FHIP1A: variants seen among roughly 807,000 people sequenced by gnomAD.
FHIP1A encodes the protein FHF complex subunit HOOK interacting protein 1A.
A neutral mutation model predicts 88.6 loss-of-function variants in FHIP1A; 61 were observed. The observed-to-expected ratio is 0.69, with a 90% confidence interval of 0.56 to 0.85. The LOEUF is 0.85. Ranked by LOEUF, FHIP1A falls within the 40% of genes least tolerant of loss-of-function variation. The probability of loss-of-function intolerance (pLI) is 0.00; values close to 1 mark genes in which losing one functional copy is unlikely to be tolerated. For synonymous variants in FHIP1A, 478 were observed against 496.0 expected (o/e 0.96, Z 0.48); for missense variants, 1,154 against 1,273.5 (o/e 0.91, Z 1.43).
At chr4:151,427,881 C>T (rs940798152) in intron 1 of FHIP1A, among the ~76,000 whole-genome samples, 1 of 152,102 alleles carries the variant, frequency 6.6e-6, no homozygotes, top group Non-Finnish European at 1.5e-5. Flanking sequence ...GCCTCTTGGG[C>T]ATTCCAGTTG....
At chr4:151,455,721 A>G (rs1580586811) in intron 2 of FHIP1A, among the ~76,000 whole-genome samples, 1 of 152,340 alleles carries the variant, frequency 6.6e-6, no homozygotes, top group Admixed American at 6.5e-5. Flanking sequence ...TTGTTATTAC[A>G]CAGAATATAG....
intron 3 of FHIP1A, among the ~76,000 whole-genome samples, chr4:151,529,993 A>G (rs1263671975): frequency 6.6e-6 from 1 of 152,146 alleles, no homozygotes; most frequent in Non-Finnish European, 1.5e-5. Context: ...TGTTTTCCCT[A>G]GTGTCACACA....
chr4:151,659,122 A>G (rs1487735239), intron 13 of FHIP1A, among the ~76,000 whole-genome samples: 1 of 152,170 alleles, frequency 6.6e-6, no homozygotes, highest in East Asian at 1.9e-4. Flanking sequence ...AAGGTTGTCA[A>G]ATTAGTTAGC....
In FHIP1A at chr4:151,586,683, A is replaced by G. The variant is rs1468446529; in HGVS notation, c.775A>G (p.Thr259Ala). The G allele has an allele frequency of 5.2e-6, 8 of 1,551,056 alleles. No homozygotes were observed. The highest frequency in any genetic ancestry group is 1.4e-5 in the African/African-American group (1 of 73,036). Residue 259 changes from threonine (T) to alanine (A), a missense_variant, in exon 6 of 14, where the codon ACA becomes GCA. Coordinates refer to ENST00000435205, the MANE Select transcript of FHIP1A (RefSeq NM_001109977.3). ...GLSGLYSSLP[T>A]KLEEKGEEWH... is the part of the protein sequence containing the mutation. The stretch of plus-strand genomic sequence containing the variant: ...CAGTGGTCTCTACTCTTCCCTGCCT[A>G]CAAAGCTAGAAGAGAAAGGCGAGGA...
chr4:151,483,941 AAG>A (rs1008453798), intron 3 of FHIP1A, among the ~76,000 whole-genome samples: 4 of 152,202 alleles, frequency 2.6e-5, no homozygotes, highest in African/African-American at 9.6e-5. Flanking sequence ...ATTTTAGACT[AAG>A]ATTTAATAAT....
At chr4:151,512,058 C>G (rs1223669901) in intron 3 of FHIP1A, among the ~76,000 whole-genome samples, 1 of 152,208 alleles carries the variant, frequency 6.6e-6, no homozygotes, top group East Asian at 1.9e-4. Context: ...AGACTGACAC[C>G]TCACACGGCC....
At chr4:151,653,580 T>G (rs973784493) in intron 11 of FHIP1A, among the ~76,000 whole-genome samples, 2 of 152,206 alleles carry the variant, frequency 1.3e-5, no homozygotes, top group African/African-American at 4.8e-5. Flanking sequence ...TGAAAAGTAC[T>G]TAGCACATTG....
intron 1 of FHIP1A, among the ~76,000 whole-genome samples, chr4:151,410,715 T>G (rs1242073799): frequency 6.6e-6 from 1 of 152,236 alleles, no homozygotes; most frequent in Non-Finnish European, 1.5e-5. Flanking sequence ...TTCAAAGGTC[T>G]TCTTTGGACC....
chr4:151,458,987 G>A (rs551772559), intron 2 of FHIP1A, among the ~76,000 whole-genome samples: 3 of 152,150 alleles, frequency 2.0e-5, no homozygotes, highest in South Asian at 4.2e-4. Context: ...ACCTTTAAAC[G>A]AACAAGTGAC....
At chr4:151,496,855 C>T (rs919379749) in intron 3 of FHIP1A, among the ~76,000 whole-genome samples, 3 of 151,700 alleles carry the variant, frequency 2.0e-5, no homozygotes, top group Non-Finnish European at 4.4e-5. Flanking sequence ...AGCCACTGCC[C>T]TTGGCCAGGA....
intron 3 of FHIP1A, among the ~76,000 whole-genome samples, chr4:151,517,540 A>G (rs1580658649): frequency 6.6e-6 from 1 of 152,268 alleles, no homozygotes; most frequent in Non-Finnish European, 1.5e-5. Flanking sequence ...TTTTCTGTGC[A>G]TATTTTTACC....
intron 8 of FHIP1A, among the ~76,000 whole-genome samples, chr4:151,636,205 G>A (rs908283195): frequency 6.6e-6 from 1 of 151,904 alleles, no homozygotes; most frequent in African/African-American, 2.4e-5. Context: ...ATCATATCAA[G>A]ATAAAGGAAA....
intron 2 of FHIP1A, among the ~76,000 whole-genome samples, chr4:151,456,908 T>A (rs1728986004): frequency 6.6e-6 from 1 of 152,174 alleles, no homozygotes; most frequent in South Asian, 2.1e-4. Context: ...AAAAAATTTT[T>A]GTATAGCTTG....
intron 3 of FHIP1A, among the ~76,000 whole-genome samples, chr4:151,541,293 T>G (rs975484963): frequency 2.0e-5 from 3 of 152,172 alleles, no homozygotes; most frequent in African/African-American, 7.2e-5. Context: ...ACATTATCAG[T>G]TAGGTTAATA....
At chr4:151,444,811 TACA>T (rs1424452920) in intron 1 of FHIP1A, among the ~76,000 whole-genome samples, 1 of 152,204 alleles carries the variant, frequency 6.6e-6, no homozygotes, top group Non-Finnish European at 1.5e-5. Context: ...TAAGATATAC[TACA>T]ATTTAATTAT....
At chr4:151,606,732 CTCT>C (rs1735088859) in intron 7 of FHIP1A, among the ~76,000 whole-genome samples, 1 of 152,138 alleles carries the variant, frequency 6.6e-6, no homozygotes, top group Non-Finnish European at 1.5e-5. Context: ...CTGCTTTTTC[CTCT>C]TCTTGTAATA....
chr4:151,666,628 G>A lies in FHIP1A; in HGVS notation c.*3874G>A, dbSNP rs200113268. On this transcript the variant is annotated 3_prime_UTR_variant, in exon 14 of 14. Transcript: ENST00000435205. The stretch of plus-strand genomic sequence containing the variant: ...GGGCAGCCAGTGGGTACTCAGGGTC[G>A]AAAGTTGTTTCCAGTGTCTCCAAAT... Among the ~76,000 whole-genome samples, 12 of 152,302 alleles carry A rather than the reference G, an allele frequency of 7.9e-5. 1 individual carries two copies. In the East Asian group the frequency reaches 2.1e-3, roughly 27 times the overall value.
intron 3 of FHIP1A, among the ~76,000 whole-genome samples, chr4:151,508,915 C>G (rs1730926131): frequency 6.6e-6 from 1 of 152,214 alleles, no homozygotes; most frequent in African/African-American, 2.4e-5. Context: ...CCTCTTAAAA[C>G]TTCTGTCCCC....
At chr4:151,445,239 A>G (rs1161940406) in intron 1 of FHIP1A, among the ~76,000 whole-genome samples, 5 of 152,166 alleles carry the variant, frequency 3.3e-5, no homozygotes, top group Non-Finnish European at 7.4e-5. Flanking sequence ...AGAGATAAAT[A>G]GGGTGAGGTC....
Sources: allele counts gnomAD v4.1 joint callset (sites outside exome capture counted in the v4.1 genomes callset), GRCh38; gene constraint gnomAD v4.1.1; transcripts MANE v1.5; gene names NCBI Gene and HGNC (gene_info 2026-07-23, HGNC 2026-07-21).